The following SGCD variants were observed in gnomAD, a reference collection of about 807,000 sequenced individuals.
The protein encoded by SGCD is sarcoglycan delta.
A neutral mutation model predicts 36.6 loss-of-function variants in SGCD; 18 were observed. The observed-to-expected ratio is 0.49, with a 90% CI of 0.34 to 0.73. SGCD has a LOEUF of 0.73. Among genes scored for constraint, SGCD ranks in the 30% least tolerant of loss-of-function variants. SGCD has a pLI of 0.01. For synonymous variants in SGCD, 133 were observed against 130.6 expected, an observed-to-expected ratio of 1.02 and a Z score of -0.12; for missense variants, 387 against 346.7, an observed-to-expected ratio of 1.12 and a Z score of -0.92.
intron 3 of SGCD, among the ~76,000 whole-genome samples, chr5:156,481,291 A>G (rs751658204): frequency 3.3e-5 from 5 of 152,114 alleles, no homozygotes; most frequent in African/African-American, 4.8e-5. Context: ...GTAGAGGTCT[A>G]TGTTATTGGG....
At chr5:156,073,718 A>G (rs1359091549) in intron 1 of SGCD, among the ~76,000 whole-genome samples, 1 of 152,218 alleles carries the variant, frequency 6.6e-6, no homozygotes, top group African/African-American at 2.4e-5. Flanking sequence ...ACCCATGAAG[A>G]TCATATCATC....
In SGCD at chr5:156,052,729, T is replaced by C. The variant is rs1247637896; in HGVS notation, c.-281-65149T>C. 1.4e-5 allele frequency among the ~76,000 whole-genome samples: 2 copies of C among 145,826 alleles called. 1 individual carries two copies. Among genetic ancestry groups the C allele is most frequent in the Non-Finnish European group, 3.1e-5 (2 of 64,740 alleles). ...TAAAGGAGTAAAAAAAAAAGTGCCA[T>C]TAAAGGTACTAAAGTGTAAAACTGT... On this transcript the variant is annotated intron_variant, in intron 1 of 9. Coordinates refer to the SGCD transcript ENST00000517913.
intron 1 of SGCD, among the ~76,000 whole-genome samples, chr5:155,993,995 G>A (rs1235693642): frequency 6.6e-6 from 1 of 152,212 alleles, no homozygotes; most frequent in Non-Finnish European, 1.5e-5. Context: ...AAAAGAGCAC[G>A]TGGAATGAGA....
intron 7 of SGCD, among the ~76,000 whole-genome samples, chr5:156,754,775 C>T (rs1326419284): frequency 1.3e-5 from 2 of 152,132 alleles, no homozygotes; most frequent in Non-Finnish European, 2.9e-5. Context: ...TGAGATAACA[C>T]ATTAGCAGTG....
At chr5:155,818,517 G>A in the SGCD span, among the ~76,000 whole-genome samples, 8 of 152,028 alleles carry the variant, frequency 5.3e-5, no homozygotes, top group African/African-American at 1.9e-4. Flanking sequence ...TTTGGAAATG[G>A]AGATACTTTA....
the SGCD span, among the ~76,000 whole-genome samples, chr5:155,795,617 G>C: frequency 6.6e-6 from 1 of 152,066 alleles, no homozygotes; most frequent in Non-Finnish European, 1.5e-5. Flanking sequence ...AATAAAACAT[G>C]AATGATAAAA....
At chr5:156,136,744 T>G (rs1306765250) in intron 3 of SGCD, among the ~76,000 whole-genome samples, 1 of 152,166 alleles carries the variant, frequency 6.6e-6, no homozygotes, top group East Asian at 1.9e-4. Flanking sequence ...ATTCAAATCA[T>G]TGATATCTGA....
intron 3 of SGCD, among the ~76,000 whole-genome samples, chr5:156,449,416 C>A (rs1323240233): frequency 1.3e-5 from 2 of 151,826 alleles, no homozygotes; most frequent in African/African-American, 4.8e-5. Context: ...CTGAGAAATT[C>A]AGTATGTTTG....
At chr5:155,811,332 C>A in the SGCD span, among the ~76,000 whole-genome samples, 1 of 152,068 alleles carries the variant, frequency 6.6e-6, no homozygotes, top group Non-Finnish European at 1.5e-5. Flanking sequence ...AACTAGCACC[C>A]AGTTCCATGC....
chr5:156,030,508 C>T (rs1216707680), intron 1 of SGCD, among the ~76,000 whole-genome samples: 2 of 152,224 alleles, frequency 1.3e-5, no homozygotes, highest in African/African-American at 4.8e-5. Context: ...AACACACCAA[C>T]ACCTTGATTC....
intron 3 of SGCD, among the ~76,000 whole-genome samples, chr5:156,126,573 C>T (rs2127604451): frequency 6.6e-6 from 1 of 152,252 alleles, no homozygotes; most frequent in Admixed American, 6.5e-5. Context: ...TGTCTGTTCA[C>T]AGACCAAAAC....
At chr5:156,177,667 T>C (rs1024114924) in intron 3 of SGCD, among the ~76,000 whole-genome samples, 2 of 152,180 alleles carry the variant, frequency 1.3e-5, no homozygotes, top group African/African-American at 2.4e-5. Flanking sequence ...GAAATTACCA[T>C]TGAGATACAG....
At position 156,263,616 on chromosome 5, in the gene SGCD, G is replaced by A. The variant is rs181568143; in HGVS notation, c.-43-65918G>A. On this transcript the variant is annotated intron_variant, in intron 3 of 9. Coordinates refer to the SGCD transcript ENST00000517913. Reference sequence around the variant, plus strand: ...TAGTTTAATTAAGTTCCTATTTAACGCTGTTTTTGTTGCATTTGCTTTTGG... The same window carrying A: ...TAGTTTAATTAAGTTCCTATTTAACACTGTTTTTGTTGCATTTGCTTTTGG... Among the ~76,000 whole-genome samples, 371 of 151,886 alleles carry A rather than the reference G, an allele frequency of 2.4e-3. 2 individuals are homozygous for A. The highest frequency in any genetic ancestry group is 8.2e-3 in the African/African-American group (341 of 41,512).
intron 3 of SGCD, among the ~76,000 whole-genome samples, chr5:156,170,533 A>G (rs779758562): frequency 2.6e-5 from 4 of 152,172 alleles, no homozygotes; most frequent in Non-Finnish European, 5.9e-5. Context: ...ACTTGTCACC[A>G]CTTGTCCAGG....
chr5:156,517,492 C>T (rs914129401), intron 4 of SGCD, among the ~76,000 whole-genome samples: 8 of 152,048 alleles, frequency 5.3e-5, no homozygotes, highest in African/African-American at 1.9e-4. Context: ...ATCCAGAGAA[C>T]CCCAGTAAGA....
intron 3 of SGCD, among the ~76,000 whole-genome samples, chr5:156,383,145 G>A (rs962100486): frequency 3.3e-5 from 5 of 152,172 alleles, no homozygotes; most frequent in African/African-American, 1.2e-4. Flanking sequence ...CCTGGGCCAT[G>A]TGCTGTGTGG....
chr5:155,968,647 T>C (rs1320280496), intron 1 of SGCD, among the ~76,000 whole-genome samples: 2 of 152,132 alleles, frequency 1.3e-5, no homozygotes, highest in Non-Finnish European at 2.9e-5. Context: ...TAGAGTTCAG[T>C]ACCGTCTATG....
chr5:156,387,759 C>A (rs1345878493), intron 3 of SGCD, among the ~76,000 whole-genome samples: 1 of 152,080 alleles, frequency 6.6e-6, no homozygotes, highest in Non-Finnish European at 1.5e-5. Context: ...GAAAAATATC[C>A]TTATTTAGGG....
chr5:155,842,246 G>GTTT, the SGCD span, among the ~76,000 whole-genome samples: 111 of 129,024 alleles, frequency 8.6e-4, 1 homozygote, highest in African/African-American at 1.8e-3. Context: ...CATTTGAGGT[G>GTTT]TTTTTTTTTT....
Sources: gnomAD v4.1 joint callset for allele counts (sites outside exome capture counted in the v4.1 genomes callset) on GRCh38, gnomAD v4.1.1 for gene constraint, MANE v1.5 for transcripts, NCBI Gene and HGNC (gene_info 2026-07-23, HGNC 2026-07-21) for gene names.